CEP350: variants seen among roughly 807,000 people sequenced by gnomAD.
The protein encoded by CEP350 is centrosome-associated protein 350.
In CEP350, 126 loss-of-function variants were observed where a neutral mutation model predicts 331.8. The observed-to-expected ratio is 0.38, with a 90% confidence interval of 0.33 to 0.44. CEP350 has a LOEUF of 0.44. Among genes scored for constraint, CEP350 ranks in the 20% least tolerant of loss-of-function variants. The pLI, the probability that CEP350 is intolerant of heterozygous loss-of-function variation, is 1.00. For synonymous variants in CEP350, 1,200 were observed against 1,259.5 expected (o/e 0.95, Z 1.00); for missense variants, 3,406 against 3,634.6 (o/e 0.94, Z 1.62).
At position 179,997,146 on chromosome 1, in the gene CEP350, C is replaced by T; in HGVS notation, c.989C>T (p.Ala330Val). 1 of 1,613,614 alleles carries T rather than the reference C, an allele frequency of 6.2e-7. No individual in the cohort carries two copies. The highest frequency in any genetic ancestry group is 8.5e-7 in the Non-Finnish European group (1 of 1,179,658). ...NSVTAKVRKV[A>V]TAPPAPAYKG... ...GTAACAGCAAAAGTCAGAAAAGTGGCAACAGCACCACCTGCTCCAGCATAT... is the reference window on the plus strand; with the variant it reads ...GTAACAGCAAAAGTCAGAAAAGTGGTAACAGCACCACCTGCTCCAGCATAT... The change falls in exon 6 of 38, where the codon GCA becomes GTA. Residue 330 changes from alanine to valine, a missense_variant. This residue lies in a region of CEP350 where 1,857 missense variants were observed against 1,909.2 expected (regional missense o/e 0.97). Transcript: ENST00000367607.
chr1:180,041,176 G>T lies in CEP350; in HGVS notation c.4149G>T (p.Leu1383Phe). The T allele has an allele frequency of 6.3e-7, 1 of 1,598,244 alleles. No homozygotes were observed. The highest frequency in any genetic ancestry group is 8.5e-7 in the Non-Finnish European group (1 of 1,172,276). ...QQRHERDLAL[L>F]KLKAEQEALE... ...GCCATGAAAGAGACTTGGCCCTCTTGAAACTAAAGGCTGAACAAGAGGCTC... is the reference window on the plus strand; with the variant it reads ...GCCATGAAAGAGACTTGGCCCTCTTTAAACTAAAGGCTGAACAAGAGGCTC... The change falls in exon 18 of 38, where the codon TTG becomes TTT. Residue 1383 changes from leucine (L) to phenylalanine (F), a missense_variant. By Grantham distance (22) the Leu-to-Phe change is conservative. Coordinates refer to ENST00000367607, the MANE Select transcript of CEP350 (RefSeq NM_014810.5).
At chr1:180,085,589 T>C (rs12140868) in intron 31 of CEP350, 3 of 152,166 alleles carry the variant, frequency 2.0e-5, no homozygotes, top group Non-Finnish European at 2.9e-5. Context: ...TAGAATCAGA[T>C]TGAATCTCCT....
chr1:180,058,033 G>A (rs942668086), intron 25 of CEP350, among the ~76,000 whole-genome samples: 3 of 152,132 alleles, frequency 2.0e-5, no homozygotes, highest in African/African-American at 4.8e-5. Flanking sequence ...GTTGACTGGT[G>A]TAACCACTTT....
intron 34 of CEP350, 182 bp from the exon 35 acceptor site, chr1:180,095,341 T>C (rs1197509845): frequency 1.6e-6 from 1 of 642,214 alleles, no homozygotes; most frequent in African/African-American, 1.8e-5. Flanking sequence ...ATAAGTAGAA[T>C]TGAGGGAACA....
intron 33 of CEP350, among the ~76,000 whole-genome samples, chr1:180,092,052 A>AC (rs1329041810): frequency 6.6e-6 from 1 of 151,736 alleles, no homozygotes. Flanking sequence ...CTTACAAAAA[A>AC]AAAACGATTT....
chr1:180,016,087 C>T lies in CEP350; in HGVS notation c.2174+117C>T, dbSNP rs1654951819. On this transcript the variant is annotated intron_variant, in intron 11 of 37. Transcript: ENST00000367607. Reference sequence around the variant, plus strand: ...ACAAGAGGGCAGAGAGGTTTATTTACAAATTGGTTCATATCTTCTGAAATT... The same window carrying T: ...ACAAGAGGGCAGAGAGGTTTATTTATAAATTGGTTCATATCTTCTGAAATT... The T allele has an allele frequency of 1.3e-5, 16 of 1,192,980 alleles. No homozygotes were observed. In the East Asian group the frequency reaches 3.8e-4, roughly 28 times the overall value. 73.9% of individuals were successfully genotyped at this position (1,192,980 alleles called of 1,614,324 possible).
At chr1:180,078,416 G>T in intron 28 of CEP350, 47 bp from the exon 29 acceptor site, 2 of 1,399,376 alleles carry the variant, frequency 1.4e-6, no homozygotes, top group South Asian at 2.5e-5. Flanking sequence ...TTTTCCCATT[G>T]ACCAAGATTG....
intron 1 of CEP350, among the ~76,000 whole-genome samples, chr1:179,956,738 A>G (rs1179941273): frequency 6.6e-6 from 1 of 152,150 alleles, no homozygotes; most frequent in Non-Finnish European, 1.5e-5. Flanking sequence ...GCTTCTATAT[A>G]CATTATTTTA....
chr1:179,962,947 T>G (rs1650741116), intron 1 of CEP350, among the ~76,000 whole-genome samples: 1 of 152,220 alleles, frequency 6.6e-6, no homozygotes, highest in Non-Finnish European at 1.5e-5. Context: ...TGTATGATAC[T>G]CCCTTTTCTC....
intron 37 of CEP350, 93 bp downstream of exon 37, chr1:180,099,078 T>C (rs1660649086): frequency 8.1e-7 from 1 of 1,237,506 alleles, no homozygotes; most frequent in South Asian, 1.9e-5. Flanking sequence ...ATAGACTTAT[T>C]CTTAAATCTA....
chr1:180,055,516 A>G (rs1204024185), intron 25 of CEP350, among the ~76,000 whole-genome samples: 2 of 149,994 alleles, frequency 1.3e-5, no homozygotes, highest in Non-Finnish European at 3.0e-5. Context: ...ATTACAGATA[A>G]TATGAATTTG....
At position 180,110,926 on chromosome 1, in the gene CEP350, A is replaced by G. The variant is rs966624738; in HGVS notation, c.9190-71A>G. 6.0e-5 allele frequency: 82 copies of G among 1,360,564 alleles called. No homozygotes were observed. The African/African-American group carries it at 9.3e-4, about 15-fold the overall frequency. 84.3% of individuals were successfully genotyped at this position (1,360,564 alleles called of 1,614,324 possible). ...CTGTATTCCTATGGATAGGACTACA[A>G]AGTCAGCAATTATATTTTCTAGCTT... On this transcript the variant is annotated intron_variant, in intron 37 of 37. Transcript: ENST00000367607.
intron 37 of CEP350, among the ~76,000 whole-genome samples, chr1:180,099,446 C>T (rs1471370585): frequency 6.6e-6 from 1 of 152,138 alleles, no homozygotes; most frequent in African/African-American, 2.4e-5. Flanking sequence ...ATATACAACT[C>T]AGTAAATAAT....
Position 180,098,884 on chromosome 1 carries a change from C to T in CEP350, c.9088C>T (p.Leu3030Phe). The change falls in exon 37 of 38, where the codon CTC (leucine) becomes TTC (phenylalanine). Residue 3030 changes from leucine to phenylalanine, a missense_variant. Coordinates refer to ENST00000367607, the MANE Select transcript of CEP350 (RefSeq NM_014810.5). ...EIKSFIASEV[L>F]KLFSLKKEPN... ...ACAGAGCTTCATAGCAAGTGAAGTA[C>T]TCAAGTTGTTCAGTCTTAAAAAGGA... 1 of 1,613,098 alleles carries T rather than the reference C, an allele frequency of 6.2e-7. No individual in the cohort carries two copies. The highest frequency in any genetic ancestry group is 1.7e-5 in the Admixed American group (1 of 59,902).
At chr1:180,014,686 C>G (rs984063231) in intron 10 of CEP350, among the ~76,000 whole-genome samples, 181 bp downstream of exon 10, 2 of 152,076 alleles carry the variant, frequency 1.3e-5, no homozygotes, top group Non-Finnish European at 2.9e-5. Flanking sequence ...AAAATAAAAG[C>G]TGAATTAAGA....
chr1:180,087,396 G>A (rs1571980347), intron 31 of CEP350, 182 bp from the exon 32 acceptor site: 2 of 442,288 alleles, frequency 4.5e-6, no homozygotes, highest in East Asian at 8.2e-5. Flanking sequence ...AGATTATTTT[G>A]AGAAGGATGT....
chr1:180,104,901 C>T (rs1383780133), intron 37 of CEP350, among the ~76,000 whole-genome samples: 1 of 152,116 alleles, frequency 6.6e-6, no homozygotes, highest in Non-Finnish European at 1.5e-5. Context: ...CCGTCACTTC[C>T]CCCGCATTAT....
Position 180,084,196 on chromosome 1 carries a change from G to C in CEP350, c.6285+18G>C. On this transcript the variant is annotated intron_variant, in intron 31 of 37. Transcript: ENST00000367607. Reference sequence around the variant, plus strand: ...AGTTAGAGGTTAGACATAGGAAGAAGGGGGTTTAGTATCAAGGCTAATGTG... The same window carrying C: ...AGTTAGAGGTTAGACATAGGAAGAACGGGGTTTAGTATCAAGGCTAATGTG... 2 of 1,567,542 alleles carry C rather than the reference G, an allele frequency of 1.3e-6. No homozygotes were observed. Among genetic ancestry groups the C allele is most frequent in the Non-Finnish European group, 1.7e-6 (2 of 1,158,630 alleles).
In CEP350 at chr1:180,094,213, A is replaced by G; in HGVS notation, c.8108A>G (p.Glu2703Gly). Reference sequence around the variant, plus strand: ...GAGAAGCAACAGCAGTTTACAGAAGAGGAAGACAACCTATATGCTGAAGCT... The same window carrying G: ...GAGAAGCAACAGCAGTTTACAGAAGGGGAAGACAACCTATATGCTGAAGCT... ...ELEKQQQFTEEEDNLYAEASE... is the reference protein window; with the variant it reads ...ELEKQQQFTEGEDNLYAEASE... Residue 2703 changes from glutamate (E) to glycine (G), a missense_variant, in exon 34 of 38, where the codon GAG becomes GGG. Physicochemically the swap from Glu to Gly is moderately conservative, Grantham distance 98. Around this residue, in one of 5 missense-constraint regions of CEP350, gnomAD observed 1,415 missense variants for 1,512.3 expected, o/e 0.94. Coordinates refer to ENST00000367607, the MANE Select transcript of CEP350 (RefSeq NM_014810.5). 6.2e-7 allele frequency: 1 copy of G among 1,613,362 alleles called. No individual in the cohort carries two copies. Among genetic ancestry groups the G allele is most frequent in the Non-Finnish European group, 8.5e-7 (1 of 1,179,552 alleles).
Sources: gnomAD v4.1 joint callset for allele counts (sites outside exome capture counted in the v4.1 genomes callset) on GRCh38, gnomAD v4.1.1 for gene constraint, gnomAD v4.1.1 regional missense constraint, MANE v1.5 for transcripts, NCBI Gene and HGNC (gene_info 2026-07-23, HGNC 2026-07-21) for gene names.